Variants in CADM1 observed in about 807,000 individuals in gnomAD.
CADM1 encodes cell adhesion molecule 1.
CADM1 carries 15 observed loss-of-function variants against 53.1 expected under a neutral mutation model. The ratio of observed to expected loss-of-function variants is 0.28; its 90% CI spans 0.19 to 0.44. The LOEUF (loss-of-function observed/expected upper bound fraction) is 0.44. CADM1 is among the 20% of genes least tolerant of loss of function. CADM1 has a pLI of 1.00. For missense variants in CADM1, 434 were observed against 611.3 expected (o/e 0.71, Z 3.06); for synonymous variants, 281 against 243.0 (o/e 1.16, Z -1.45).
intron 1 of CADM1, among the ~76,000 whole-genome samples, chr11:115,493,978 A>C: frequency 6.6e-6 from 1 of 152,200 alleles, no homozygotes; most frequent in Non-Finnish European, 1.5e-5. Context: ...GGAAATATGA[A>C]CATAGACTAT....
At chr11:115,390,770 C>T (rs1250805133) in intron 1 of CADM1, among the ~76,000 whole-genome samples, 1 of 151,804 alleles carries the variant, frequency 6.6e-6, no homozygotes, top group Admixed American at 6.6e-5. Context: ...ATTATTACAG[C>T]TCAGTTCCTG....
At chr11:115,322,166 C>A (rs1944840570) in intron 1 of CADM1, among the ~76,000 whole-genome samples, 1 of 152,156 alleles carries the variant, frequency 6.6e-6, no homozygotes, top group African/African-American at 2.4e-5. Context: ...TTACCTCTCT[C>A]CTGTAGCACT....
intron 1 of CADM1, among the ~76,000 whole-genome samples, chr11:115,431,659 T>C (rs1277008304): frequency 6.6e-6 from 1 of 152,100 alleles, no homozygotes; most frequent in African/African-American, 2.4e-5. Context: ...TGACTCCAGC[T>C]AATGGCTTTC....
intron 1 of CADM1, among the ~76,000 whole-genome samples, chr11:115,261,823 A>G (rs1305497208): frequency 6.6e-6 from 1 of 151,006 alleles, no homozygotes; most frequent in African/African-American, 2.4e-5. Flanking sequence ...TCTGTTGCCC[A>G]GGCTGGAGTG....
At chr11:115,381,215 A>ACCTCGG (rs1161279979) in intron 1 of CADM1, among the ~76,000 whole-genome samples, 2 of 151,194 alleles carry the variant, frequency 1.3e-5, no homozygotes, top group African/African-American at 2.4e-5. Context: ...AATCACTTGA[A>ACCTCGG]CCTCGGGGGT....
chr11:115,402,702 AT>A (rs112720786), intron 1 of CADM1, among the ~76,000 whole-genome samples: 4,063 of 150,274 alleles, frequency 0.027, 148 homozygotes, highest in East Asian at 0.088. Flanking sequence ...GAGACATAAC[AT>A]TTTTTTTTTC....
rs892756066 is a variant in CADM1, at chr11:115,299,752, T to A, written c.125-59332A>T. Among the ~76,000 whole-genome samples the A allele has an allele frequency of 2.6e-5, 4 of 152,110 alleles. No individual in the cohort carries two copies. In the East Asian group the frequency reaches 7.7e-4, roughly 29 times the overall value. On this transcript the variant is annotated intron_variant, in intron 1 of 11. Coordinates refer to ENST00000331581, the MANE Select transcript of CADM1 (RefSeq NM_001301043.2). Reference sequence around the variant, plus strand: ...TGGCCTTGAAAATCACCATCAACATTGTAATCAGTCTCTTTGATAGAGGTG... The same window carrying A: ...TGGCCTTGAAAATCACCATCAACATAGTAATCAGTCTCTTTGATAGAGGTG...
intron 1 of CADM1, among the ~76,000 whole-genome samples, chr11:115,351,992 G>A (rs550951488): frequency 1.9e-4 from 29 of 152,200 alleles, no homozygotes; most frequent in Admixed American, 6.5e-4. Flanking sequence ...AGTACTTTAG[G>A]AGTTTATTAA....
At chr11:115,250,183 A>G (rs562541649) in intron 1 of CADM1, among the ~76,000 whole-genome samples, 105 of 152,344 alleles carry the variant, frequency 6.9e-4, no homozygotes, top group South Asian at 1.2e-3. Flanking sequence ...GATTACAAGC[A>G]TGAGCCACTG....
At chr11:115,179,715 C>CGTTT (rs1939219799) in intron 10 of CADM1, among the ~76,000 whole-genome samples, 1 of 152,058 alleles carries the variant, frequency 6.6e-6, no homozygotes, top group Non-Finnish European at 1.5e-5. Context: ...GGAAGCTAAA[C>CGTTT]CATTGTCTTT....
intron 1 of CADM1, among the ~76,000 whole-genome samples, chr11:115,407,950 A>ATT (rs1416269916): frequency 6.8e-6 from 1 of 146,736 alleles, no homozygotes; most frequent in Non-Finnish European, 1.5e-5. Flanking sequence ...AAAGGTAAGC[A>ATT]ATTTTAAATG....
intron 1 of CADM1, among the ~76,000 whole-genome samples, chr11:115,457,076 A>G (rs1161648429): frequency 6.6e-6 from 1 of 152,152 alleles, no homozygotes; most frequent in Non-Finnish European, 1.5e-5. Context: ...ATTGCCAGGT[A>G]CTATATATTA....
intron 1 of CADM1, among the ~76,000 whole-genome samples, chr11:115,270,185 G>C (rs1391798209): frequency 6.6e-6 from 1 of 152,118 alleles, no homozygotes; most frequent in Non-Finnish European, 1.5e-5. Context: ...AATAACAAAA[G>C]CCTTTAGTCT....
In CADM1 at chr11:115,175,652, C is replaced by T; in HGVS notation, c.*822G>A. On this transcript the variant is annotated 3_prime_UTR_variant, in exon 12 of 12. Coordinates refer to ENST00000331581, the MANE Select transcript of CADM1 (RefSeq NM_001301043.2). ...GGAGTCCTTTCTGCCCCAAACCTTT[C>T]TGGACAGCGTAGGGTATCTATACTG... The T allele has an allele frequency of 1.0e-6, 1 of 985,846 alleles. No homozygotes were observed. The highest frequency in any genetic ancestry group is 1.2e-6 in the Non-Finnish European group (1 of 830,054). The allele number at this position is 985,846 out of a possible 1,614,324, so 61.1% of individuals were successfully genotyped here. A position where few individuals can be genotyped will look rare whatever the true frequency, so the allele number is the denominator to read the frequency against.
chr11:115,233,810 G>C (rs968881823), intron 3 of CADM1, among the ~76,000 whole-genome samples: 11 of 152,218 alleles, frequency 7.2e-5, no homozygotes, highest in Non-Finnish European at 1.3e-4. Context: ...AATGAGAACT[G>C]TAATGGAGCA....
intron 9 of CADM1, among the ~76,000 whole-genome samples, chr11:115,197,886 A>G (rs531513012): frequency 2.0e-4 from 31 of 152,268 alleles, no homozygotes; most frequent in Admixed American, 7.2e-4. Context: ...TAAAGTCATG[A>G]CCTTTCTAAA....
At chr11:115,470,477 A>G (rs1948987733) in intron 1 of CADM1, among the ~76,000 whole-genome samples, 1 of 152,242 alleles carries the variant, frequency 6.6e-6, no homozygotes, top group Admixed American at 6.5e-5. Context: ...CATTAAAACT[A>G]AAGTTGAATG....
chr11:115,395,897 C>T (rs1274587850), intron 1 of CADM1, among the ~76,000 whole-genome samples: 1 of 152,120 alleles, frequency 6.6e-6, no homozygotes, highest in Admixed American at 6.6e-5. Flanking sequence ...CCTTCTGTCC[C>T]GTATTTCTTT....
intron 8 of CADM1, among the ~76,000 whole-genome samples, chr11:115,201,805 A>C (rs1178507553): frequency 6.6e-6 from 1 of 152,212 alleles, no homozygotes; most frequent in East Asian, 1.9e-4. Context: ...TAGACATTTA[A>C]AAGGCCTAGC....
Sources: allele counts gnomAD v4.1 joint callset (sites outside exome capture counted in the v4.1 genomes callset), GRCh38; gene constraint gnomAD v4.1.1; transcripts MANE v1.5; gene names NCBI Gene and HGNC (gene_info 2026-07-23, HGNC 2026-07-21).